The following RANBP9 variants were observed in gnomAD, a reference collection of about 807,000 sequenced individuals.
The protein encoded by RANBP9 is RAN binding protein 9.
RANBP9 carries 15 observed loss-of-function variants against 84.3 expected under a neutral mutation model. That is an observed-to-expected ratio of 0.18 (90% CI 0.12 to 0.27). The LOEUF is 0.27. Ranked by LOEUF, RANBP9 falls within the 10% of genes least tolerant of loss-of-function variation. RANBP9 has a pLI of 1.00. For synonymous variants in RANBP9, 392 were observed against 349.6 expected (o/e 1.12, Z -1.35); for missense variants, 809 against 912.8 (o/e 0.89, Z 1.46).
chr6:13,686,100 TCCCCCCCC>T (rs869051500), intron 2 of RANBP9, among the ~76,000 whole-genome samples: 1 of 6,994 alleles, frequency 1.4e-4, no homozygotes, highest in African/African-American at 7.7e-4. Context: ...CAAAATTTCT[TCCCCCCCC>T]CCCCCCCGCC....
chr6:13,640,416 C>T (rs751110069), intron 8 of RANBP9, among the ~76,000 whole-genome samples: 15 of 152,056 alleles, frequency 9.9e-5, no homozygotes, highest in Middle Eastern at 3.4e-3. Flanking sequence ...GGGTATATAA[C>T]CAAAAAAATC....
At chr6:13,702,751 A>G (rs1253486678) in intron 1 of RANBP9, among the ~76,000 whole-genome samples, 1 of 152,078 alleles carries the variant, frequency 6.6e-6, no homozygotes, top group Non-Finnish European at 1.5e-5. Context: ...CTTAACCTCC[A>G]TCCTCCTCTA....
intron 2 of RANBP9, among the ~76,000 whole-genome samples, chr6:13,681,741 G>A (rs749139260): frequency 3.9e-5 from 6 of 152,052 alleles, no homozygotes; most frequent in African/African-American, 9.7e-5. Flanking sequence ...CAAAGTTTTC[G>A]ATGGCATATT....
In RANBP9 at chr6:13,625,830, C is replaced by G. The variant is rs943963099; in HGVS notation, c.1948-66G>C. 70 of 1,192,164 alleles carry G rather than the reference C, an allele frequency of 5.9e-5. No homozygotes were observed. The Admixed American group carries it at 1.2e-3, about 20-fold the overall frequency. The allele number at this position is 1,192,164 out of a possible 1,614,324, so 73.8% of individuals were successfully genotyped here. On this transcript the variant is annotated intron_variant, in intron 12 of 13. Transcript: ENST00000011619. ...CAACTATTATGCTCACAAATGTTTC[C>G]AAGTTGAGAGGTAAAATATGGCTTC...
At chr6:13,685,287 A>C (rs1267571501) in intron 2 of RANBP9, among the ~76,000 whole-genome samples, 1 of 152,196 alleles carries the variant, frequency 6.6e-6, no homozygotes, top group Non-Finnish European at 1.5e-5. Flanking sequence ...ATAAACTTAG[A>C]CTATGCCACA....
At chr6:13,703,273 G>T (rs1758021597) in intron 1 of RANBP9, among the ~76,000 whole-genome samples, 1 of 152,032 alleles carries the variant, frequency 6.6e-6, no homozygotes, top group African/African-American at 2.4e-5. Context: ...GTTCTTCAGG[G>T]TCCCCATCTT....
intron 5 of RANBP9, among the ~76,000 whole-genome samples, chr6:13,649,600 C>T (rs1186499275): frequency 6.6e-6 from 1 of 152,080 alleles, no homozygotes; most frequent in Non-Finnish European, 1.5e-5. Context: ...TCTGCCTGTC[C>T]CCACAATGCT....
chr6:13,635,157 C>T (rs1400650299), intron 10 of RANBP9, among the ~76,000 whole-genome samples: 4 of 152,200 alleles, frequency 2.6e-5, no homozygotes, highest in African/African-American at 9.7e-5. Context: ...CTTTTCACCA[C>T]ACGACAGAGA....
In RANBP9 at chr6:13,621,498, T is replaced by G. The variant is rs1764444030; in HGVS notation, c.*864A>C. ...ATATATAAACTCAATTGACACTGTATCTGTAGAAGTAAATTTTTAATGGCT... is the reference window on the plus strand; with the variant it reads ...ATATATAAACTCAATTGACACTGTAGCTGTAGAAGTAAATTTTTAATGGCT... On this transcript the variant is annotated 3_prime_UTR_variant, in exon 14 of 14. Transcript: ENST00000011619. 1.3e-5 allele frequency: 2 copies of G among 152,672 alleles called. No individual in the cohort carries two copies. Among genetic ancestry groups the G allele is most frequent in the South Asian group, 4.1e-4 (2 of 4,834 alleles). 9.5% of individuals were successfully genotyped at this position (152,672 alleles called of 1,614,324 possible).
chr6:13,687,903 C>T (rs1678241914), intron 2 of RANBP9, among the ~76,000 whole-genome samples: 1 of 152,192 alleles, frequency 6.6e-6, no homozygotes, highest in South Asian at 2.1e-4. Context: ...TTAGAAGTCC[C>T]TTCATGATCA....
At chr6:13,690,337 G>C (rs1766295255) in intron 2 of RANBP9, among the ~76,000 whole-genome samples, 1 of 152,098 alleles carries the variant, frequency 6.6e-6, no homozygotes, top group Non-Finnish European at 1.5e-5. Context: ...TAAATGTATT[G>C]TTTACTCTTT....
chr6:13,696,750 C>A, intron 2 of RANBP9, 35 bp downstream of exon 2: 1 of 1,534,906 alleles, frequency 6.5e-7, no homozygotes, highest in Non-Finnish European at 8.9e-7. Flanking sequence ...AACAAAAAAA[C>A]TAGCAAACGA....
At chr6:13,637,996 A>G (rs769442393) in intron 9 of RANBP9, 41 bp from the exon 10 acceptor site, 1 of 1,536,526 alleles carries the variant, frequency 6.5e-7, no homozygotes, top group Non-Finnish European at 8.8e-7. Context: ...AACAAACACT[A>G]ATTTATTAAT....
At chr6:13,626,723 C>T (rs1245777320) in intron 12 of RANBP9, among the ~76,000 whole-genome samples, 1 of 152,010 alleles carries the variant, frequency 6.6e-6, no homozygotes, top group East Asian at 1.9e-4. Context: ...TTCAGGAACA[C>T]AACACTTTGA....
At chr6:13,659,634 T>C (rs1765496442) in intron 2 of RANBP9, among the ~76,000 whole-genome samples, 1 of 152,140 alleles carries the variant, frequency 6.6e-6, no homozygotes, top group African/African-American at 2.4e-5. Flanking sequence ...AAAAGCAAAC[T>C]GAATCCAGTT....
At chr6:13,699,949 A>G (rs1757925678) in intron 1 of RANBP9, among the ~76,000 whole-genome samples, 1 of 152,222 alleles carries the variant, frequency 6.6e-6, no homozygotes, top group Non-Finnish European at 1.5e-5. Context: ...TATCAGCAGC[A>G]AAGGGCCTAT....
At chr6:13,679,463 TACA>T (rs988090145) in intron 2 of RANBP9, among the ~76,000 whole-genome samples, 4 of 152,162 alleles carry the variant, frequency 2.6e-5, no homozygotes, top group African/African-American at 4.8e-5. Flanking sequence ...AGTTAACTAC[TACA>T]ACAACAACAA....
rs200838299 is a variant in RANBP9 at position 13,651,394 on chromosome 6, GTT to G, written c.927+1263_927+1264del. On this transcript the variant is annotated intron_variant, in intron 5 of 13. Transcript: ENST00000011619. ...AGTTTTTTGTTGTTGTTGTTGTTTT[GTT>G]TTTTTGTTTTTTTTTTGAGACAGAG... is the stretch of plus-strand genomic sequence containing the variant. Among the ~76,000 whole-genome samples the G allele has an allele frequency of 5.9e-3, 491 of 83,770 alleles. 7 individuals are homozygous for G. The highest frequency in any genetic ancestry group is 0.032 in the African/African-American group (457 of 14,176). 55.0% of individuals were successfully genotyped at this position (83,770 alleles called of 152,430 possible). A position where few individuals can be genotyped will look rare whatever the true frequency, so the allele number is the denominator to read the frequency against.
At chr6:13,628,549 G>A (rs1001100847) in intron 12 of RANBP9, among the ~76,000 whole-genome samples, 1 of 152,142 alleles carries the variant, frequency 6.6e-6, no homozygotes, top group African/African-American at 2.4e-5. Flanking sequence ...AATTTTAGAA[G>A]GATCACACAA....
Sources: allele counts gnomAD v4.1 joint callset (sites outside exome capture counted in the v4.1 genomes callset), GRCh38; gene constraint gnomAD v4.1.1; transcripts MANE v1.5; gene names NCBI Gene and HGNC (gene_info 2026-07-23, HGNC 2026-07-21).